Variants in DPP10 observed in about 807,000 individuals in gnomAD.
The protein encoded by DPP10 is dipeptidyl peptidase like 10, also known as inactive dipeptidyl peptidase 10.
DPP10 carries 33 observed loss-of-function variants against 120.9 expected under a neutral mutation model. The ratio of observed to expected loss-of-function variants is 0.27; its 90% CI spans 0.21 to 0.37. The LOEUF (loss-of-function observed/expected upper bound fraction) is 0.37. Among genes scored for constraint, DPP10 ranks in the 10% least tolerant of loss-of-function variants. DPP10 has a pLI of 1.00. For synonymous variants in DPP10, 337 were observed against 326.1 expected (o/e 1.03, Z -0.36); for missense variants, 816 against 942.8 (o/e 0.87, Z 1.76).
At chr2:115,442,866 A>G (rs2072206120) in intron 3 of DPP10, among the ~76,000 whole-genome samples, 1 of 152,172 alleles carries the variant, frequency 6.6e-6, no homozygotes, top group Non-Finnish European at 1.5e-5. Flanking sequence ...ATCTAAGATG[A>G]GTTGTCTCGA....
At chr2:115,720,430 G>A (rs2092617769) in intron 7 of DPP10, among the ~76,000 whole-genome samples, 1 of 151,866 alleles carries the variant, frequency 6.6e-6, no homozygotes. Context: ...TTCAATATTC[G>A]ATGATCCATC....
intron 1 of DPP10, among the ~76,000 whole-genome samples, chr2:115,142,579 T>C (rs1247885818): frequency 6.6e-6 from 1 of 152,124 alleles, no homozygotes; most frequent in Admixed American, 6.6e-5. Flanking sequence ...GAACTGAAAA[T>C]CAGGGGTGAG....
At chr2:115,265,738 T>C (rs982942712) in intron 1 of DPP10, among the ~76,000 whole-genome samples, 4 of 152,076 alleles carry the variant, frequency 2.6e-5, no homozygotes, top group Non-Finnish European at 5.9e-5. Flanking sequence ...ATATCTCCAG[T>C]ATTATTAAAT....
At chr2:115,623,615 C>T (rs142152866) in intron 5 of DPP10, among the ~76,000 whole-genome samples, 275 of 152,244 alleles carry the variant, frequency 1.8e-3, no homozygotes, top group Middle Eastern at 6.8e-3. Context: ...TATGGAAAGA[C>T]TGCCTCTTAC....
intron 5 of DPP10, among the ~76,000 whole-genome samples, chr2:115,611,476 G>C (rs2084096370): frequency 6.6e-6 from 1 of 152,042 alleles, no homozygotes; most frequent in South Asian, 2.1e-4. Flanking sequence ...GTTTATGTAA[G>C]AATTTAGTGT....
At chr2:115,095,091 C>A (rs1219579007) in intron 1 of DPP10, among the ~76,000 whole-genome samples, 1 of 152,070 alleles carries the variant, frequency 6.6e-6, no homozygotes, top group Non-Finnish European at 1.5e-5. Context: ...TTTACATAGA[C>A]AAGGTGATTA....
intron 3 of DPP10, among the ~76,000 whole-genome samples, chr2:115,483,007 A>T (rs1447976895): frequency 6.6e-6 from 1 of 152,108 alleles, no homozygotes; most frequent in Admixed American, 6.6e-5. Context: ...TCTTATTCAA[A>T]GTAATTGGGT....
intron 1 of DPP10, among the ~76,000 whole-genome samples, chr2:114,568,315 A>G (rs183276929): frequency 1.4e-3 from 209 of 152,284 alleles, no homozygotes; most frequent in African/African-American, 4.9e-3. Flanking sequence ...TAAAGTTCTA[A>G]CTTCTGGTTA....
chr2:115,382,299 A>C (rs2066449085), intron 3 of DPP10, among the ~76,000 whole-genome samples: 2 of 152,064 alleles, frequency 1.3e-5, no homozygotes, highest in South Asian at 4.2e-4. Context: ...GTGCAGTATT[A>C]GGGTGGGAGT....
intron 5 of DPP10, among the ~76,000 whole-genome samples, chr2:115,614,069 C>T (rs1330397534): frequency 6.6e-6 from 1 of 152,176 alleles, no homozygotes; most frequent in Non-Finnish European, 1.5e-5. Context: ...AGCAACACAG[C>T]TGTTCAGCTG....
intron 2 of DPP10, among the ~76,000 whole-genome samples, chr2:115,339,500 T>TA (rs565995456): frequency 3.6e-4 from 55 of 152,224 alleles, no homozygotes; most frequent in African/African-American, 1.3e-3. Flanking sequence ...CAAAAATCTA[T>TA]AAAAAAATGT....
chr2:115,504,402 T>C (rs917686123), intron 4 of DPP10, among the ~76,000 whole-genome samples: 1 of 152,018 alleles, frequency 6.6e-6, no homozygotes, highest in African/African-American at 2.4e-5. Context: ...TATGAATAAT[T>C]GAATTTCATC....
intron 7 of DPP10, among the ~76,000 whole-genome samples, chr2:115,722,813 T>C (rs1025443239): frequency 3.9e-5 from 6 of 152,144 alleles, no homozygotes; most frequent in Non-Finnish European, 5.9e-5. Context: ...GGTTTCCAAA[T>C]GGGAAAACAG....
chr2:115,744,649 T>C (rs1006861983), intron 9 of DPP10, among the ~76,000 whole-genome samples: 4 of 150,422 alleles, frequency 2.7e-5, no homozygotes, highest in Non-Finnish European at 4.4e-5. Flanking sequence ...CTGTGAATGA[T>C]GTACTTCCAC....
intron 1 of DPP10, among the ~76,000 whole-genome samples, chr2:114,544,929 G>A (rs1474035595): frequency 6.6e-6 from 1 of 151,836 alleles, no homozygotes; most frequent in East Asian, 1.9e-4. Context: ...TTGGCTCACT[G>A]CAACCTCCGC....
chr2:115,093,775 A>G (rs1709483743), intron 1 of DPP10, among the ~76,000 whole-genome samples: 1 of 152,132 alleles, frequency 6.6e-6, no homozygotes, highest in Admixed American at 6.5e-5. Context: ...GAAAATAGAT[A>G]AAATGTCAAC....
At chr2:115,603,660 C>T (rs1034377375) in intron 5 of DPP10, among the ~76,000 whole-genome samples, 2 of 144,264 alleles carry the variant, frequency 1.4e-5, no homozygotes, top group Admixed American at 7.2e-5. Flanking sequence ...CCATGTACAA[C>T]GCTGACATAT....
intron 5 of DPP10, among the ~76,000 whole-genome samples, chr2:115,567,861 A>T (rs1471764992): frequency 6.6e-6 from 1 of 152,250 alleles, no homozygotes; most frequent in Non-Finnish European, 1.5e-5. Context: ...ATGTGTTGTC[A>T]TACTTTTAAA....
chr2:114,616,420 T>C (rs1265484328), intron 1 of DPP10, among the ~76,000 whole-genome samples: 1 of 152,052 alleles, frequency 6.6e-6, no homozygotes, highest in Non-Finnish European at 1.5e-5. Context: ...CAGGACAAGA[T>C]CATGCTTCAA....
Sources: allele counts gnomAD v4.1 joint callset (sites outside exome capture counted in the v4.1 genomes callset), GRCh38; gene constraint gnomAD v4.1.1; transcripts MANE v1.5; gene names NCBI Gene and HGNC (gene_info 2026-07-23, HGNC 2026-07-21).